CPSF1: variants seen among roughly 807,000 people sequenced by gnomAD.
The protein encoded by CPSF1 is cleavage and polyadenylation specific factor 1, also known as cleavage and polyadenylation specificity factor subunit 1.
A neutral mutation model predicts 175.8 loss-of-function variants in CPSF1; 106 were observed. That is an observed-to-expected ratio of 0.60 (90% CI 0.52 to 0.71). The LOEUF is 0.71. Among genes scored for constraint, CPSF1 ranks in the 30% least tolerant of loss-of-function variants. CPSF1 has a pLI of 0.00. For synonymous variants in CPSF1, 1,024 were observed against 858.3 expected, an observed-to-expected ratio of 1.19 and a Z score of -3.37; for missense variants, 1,734 against 2,022.9, an observed-to-expected ratio of 0.86 and a Z score of 2.74.
At position 144,394,651 on chromosome 8, in the gene CPSF1, C is replaced by T; in HGVS notation, c.3560G>A (p.Gly1187Asp). 1 of 1,606,556 alleles carries T rather than the reference C, an allele frequency of 6.2e-7. No homozygotes were observed. ...CGGGTGGGACTGGCACACCTTCTGG[C>T]CGATGGCCGACACCAGGTGGCCATT... ...HCNGHLVSAI[G>D]QKIFLWSLRA... Residue 1187 changes from glycine to aspartate, a missense_variant, in exon 31 of 38, where the codon GGC (glycine) becomes GAC (aspartate). Physicochemically the swap from Gly to Asp is moderately conservative, Grantham distance 94 (BLOSUM62 -1). This residue lies in a region of CPSF1 where 62 missense variants were observed against 124.5 expected (regional missense o/e 0.50). Transcript: ENST00000616140.
chr8:144,393,412 C>CGGAGGGGCG (rs1564681256), intron 37 of CPSF1, 40 bp downstream of exon 37: 3 of 681,198 alleles, frequency 4.4e-6, no homozygotes, highest in Admixed American at 3.5e-5. Flanking sequence ...GGGATGCACA[C>CGGAGGGGCG]GGAGGGGCGG....
In CPSF1 at chr8:144,400,286, G is replaced by C. The variant is rs1821114189; in HGVS notation, c.827-10C>G. The C allele has an allele frequency of 1.2e-6, 2 of 1,607,728 alleles. No homozygotes were observed. The highest frequency in any genetic ancestry group is 4.5e-5 in the East Asian group (2 of 44,724). On this transcript the variant is annotated splice_polypyrimidine_tract_variant and intron_variant, in intron 8 of 37. Coordinates refer to ENST00000616140, the MANE Select transcript of CPSF1 (RefSeq NM_013291.3). ...AACACCACCACCCCACCTGGAGGTG[G>C]ACACAGGCTGGTGGGCAGGCTCAGT...
rs2116857663 is a variant in CPSF1 at position 144,399,056 on chromosome 8, G to A, written c.1468-18C>T. 1.3e-6 allele frequency: 2 copies of A among 1,566,814 alleles called. No individual in the cohort carries two copies. The highest frequency in any genetic ancestry group is 1.7e-6 in the Non-Finnish European group (2 of 1,156,252). On this transcript the variant is annotated intron_variant, in intron 15 of 37. Transcript: ENST00000616140. The surrounding 1 kb of genome is among the most constrained non-coding windows in gnomAD (Gnocchi z 6.4). ...TTCTGAAACTGCACAGGACTCGGGG[G>A]TGAGGACTATGCCCCCCACCCCCCC... is the stretch of plus-strand genomic sequence containing the variant.
Position 144,399,401 on chromosome 8 carries a change from A to C in CPSF1, c.1295-28T>G, listed in dbSNP as rs1391410131. 6.2e-7 allele frequency: 1 copy of C among 1,612,710 alleles called. No homozygotes were observed. Among genetic ancestry groups the C allele is most frequent in the East Asian group, 2.2e-5 (1 of 44,894 alleles). Reference sequence around the variant, plus strand: ...GCACACAGAGAGCCCACTTGAGCGCAGCCCTGGGTCACCTGGCCCCGCTCC... The same window carrying C: ...GCACACAGAGAGCCCACTTGAGCGCCGCCCTGGGTCACCTGGCCCCGCTCC... On this transcript the variant is annotated intron_variant, in intron 13 of 37. Coordinates refer to ENST00000616140, the MANE Select transcript of CPSF1 (RefSeq NM_013291.3). This position sits in a 1 kb window ranked among gnomAD's most constrained non-coding sequence, Gnocchi z 6.4.
In CPSF1 at chr8:144,394,364, C is replaced by A; in HGVS notation, c.3744+15G>T. 1 of 1,594,542 alleles carries A rather than the reference C, an allele frequency of 6.3e-7. No homozygotes were observed. The highest frequency in any genetic ancestry group is 8.6e-7 in the Non-Finnish European group (1 of 1,168,616). On this transcript the variant is annotated intron_variant, in intron 32 of 37. Coordinates refer to ENST00000616140, the MANE Select transcript of CPSF1 (RefSeq NM_013291.3). ...GGTACCCACCCAGACACGAGCACCG[C>A]CGCCACAGGTGTACCCGCGACACCA...
chr8:144,401,808 A>T (rs1053144833), intron 2 of CPSF1, 135 bp from the exon 3 acceptor site: 23 of 943,614 alleles, frequency 2.4e-5, no homozygotes, highest in Admixed American at 5.6e-5. Context: ...CAGCAGGGAG[A>T]AGGGCTTCTG....
At chr8:144,400,312 G>A (rs2116874422) in intron 8 of CPSF1, 36 bp from the exon 9 acceptor site, 5 of 1,611,976 alleles carry the variant, frequency 3.1e-6, no homozygotes, top group Non-Finnish European at 1.7e-6. Context: ...CAGGCTCAGT[G>A]CTCTCTCCAC....
chr8:144,399,365 T>C lies in CPSF1; in HGVS notation c.1303A>G (p.Lys435Glu). ...DATAGWSAAG[K>E]SVPQDEVDEI... ...TCCACCTCATCCTGCGGCACCGACTTACCCGCAGCTGCACACAGAGAGCCC... is the reference window on the plus strand; with the variant it reads ...TCCACCTCATCCTGCGGCACCGACTCACCCGCAGCTGCACACAGAGAGCCC... Residue 435 changes from lysine to glutamate, a missense_variant, in exon 14 of 38, where the codon AAG (lysine) becomes GAG (glutamate). Around this residue, in one of 10 missense-constraint regions of CPSF1, gnomAD observed 162 missense variants for 169.5 expected, o/e 0.96. Transcript: ENST00000616140. The surrounding 1 kb of genome is among the most constrained non-coding windows in gnomAD (Gnocchi z 6.4). 1 of 1,612,774 alleles carries C rather than the reference T, an allele frequency of 6.2e-7. No individual in the cohort carries two copies. Among genetic ancestry groups the C allele is most frequent in the Non-Finnish European group, 8.5e-7 (1 of 1,179,962 alleles).
Position 144,401,825 on chromosome 8 carries a change from G to A in CPSF1, c.145-152C>T, listed in dbSNP as rs1554867363. On this transcript the variant is annotated intron_variant, in intron 2 of 37. Transcript: ENST00000616140. ...GCAGGGAGAAGGGCTTCTGGAGACA[G>A]CTGTGCACAGCCCCCCACAGCGACC... 7 of 801,612 alleles carry A rather than the reference G, an allele frequency of 8.7e-6. 1 individual carries two copies. The African/African-American group carries it at 8.7e-5, about 10-fold the overall frequency. The allele number at this position is 801,612 out of a possible 1,614,324, so 49.7% of individuals were successfully genotyped here.
At chr8:144,400,139 C>CCCG (rs1451881249) in intron 9 of CPSF1, 27 bp downstream of exon 9, 1 of 1,221,760 alleles carries the variant, frequency 8.2e-7, no homozygotes, top group Non-Finnish European at 1.1e-6. Flanking sequence ...CCCCGGGCCC[C>CCCG]CCCCGCCCCA....
intron 5 of CPSF1, 34 bp downstream of exon 5, chr8:144,401,177 C>T (rs1240128190): frequency 1.1e-4 from 55 of 516,106 alleles, no homozygotes; most frequent in Admixed American, 5.1e-4. Context: ...GGTGGCTGGG[C>T]GGGGCCTGGG....
At chr8:144,404,339 A>T (rs1168995561) in intron 2 of CPSF1, among the ~76,000 whole-genome samples, 1 of 152,102 alleles carries the variant, frequency 6.6e-6, no homozygotes, top group Non-Finnish European at 1.5e-5. Flanking sequence ...TTCTGTGTAC[A>T]TGCAAGAAAC....
At chr8:144,402,466 G>A (rs2116891675) in intron 2 of CPSF1, among the ~76,000 whole-genome samples, 4 of 152,010 alleles carry the variant, frequency 2.6e-5, no homozygotes, top group South Asian at 2.1e-4. Context: ...CACCATGTCC[G>A]GCTAATTTTT....
chr8:144,400,132 C>CGGGGGGGGGGG, intron 9 of CPSF1, 34 bp downstream of exon 9: 1 of 1,067,944 alleles, frequency 9.4e-7, no homozygotes, highest in Non-Finnish European at 1.3e-6. Flanking sequence ...AAGCCGTCCC[C>CGGGGGGGGGGG]GGGCCCCCCC....
In CPSF1 at chr8:144,396,720, G is replaced by A. The variant is rs782629802; in HGVS notation, c.2704C>T (p.Arg902Cys). 7 of 1,613,818 alleles carry A rather than the reference G, an allele frequency of 4.3e-6. No homozygotes were observed. The highest frequency in any genetic ancestry group is 5.9e-6 in the Non-Finnish European group (7 of 1,180,020). Residue 902 changes from arginine (R) to cysteine (C), a missense_variant, in exon 25 of 38, where the codon CGT becomes TGT. Physicochemically the swap from Arg to Cys is radical, Grantham distance 180. Coordinates refer to ENST00000616140, the MANE Select transcript of CPSF1 (RefSeq NM_013291.3). ...FKKVPHNINF[R>C]EKKPKPSKKK... ...TTGGATGGCTTTGGCTTCTTCTCAC[G>A]GAAGTTGATGTTGTGAGGGACCTGG...
At chr8:144,396,249 C>T (rs1554863635) in intron 26 of CPSF1, 99 bp downstream of exon 26, 21 of 1,270,392 alleles carry the variant, frequency 1.7e-5, no homozygotes, top group Non-Finnish European at 2.0e-5. Context: ...CTTCCTGGTC[C>T]TCAGGGTGGA....
chr8:144,400,135 G>GGGCGCCC, intron 9 of CPSF1, 31 bp downstream of exon 9: 2 of 896,006 alleles, frequency 2.2e-6, no homozygotes, highest in Non-Finnish European at 3.2e-6. Flanking sequence ...CCGTCCCCGG[G>GGGCGCCC]CCCCCCCCGC....
Position 144,398,857 on chromosome 8 carries a change from C to A in CPSF1, c.1560G>T (p.Arg520=). The change falls in exon 17 of 38, where the codon CGG becomes CGT. Residue 520 remains arginine, a synonymous_variant. Coordinates refer to ENST00000616140, the MANE Select transcript of CPSF1 (RefSeq NM_013291.3). The part of the protein sequence containing the change: ...GALSVLQKSI[R]PQVVTTFELP... ...GCTCAAAGGTTGTCACCACCTGGGG[C>A]CGGATGCTCTTCTAGAATGATGATG... The A allele has an allele frequency of 6.2e-7, 1 of 1,610,056 alleles. No homozygotes were observed. The highest frequency in any genetic ancestry group is 8.5e-7 in the Non-Finnish European group (1 of 1,177,240).
In CPSF1 at chr8:144,397,586, G is replaced by A; in HGVS notation, c.2286C>T (p.Ala762=). Residue 762 remains alanine, a synonymous_variant, in exon 22 of 38, where the codon GCC becomes GCT. Coordinates refer to ENST00000616140, the MANE Select transcript of CPSF1 (RefSeq NM_013291.3). ...CAGCAGGGGGCTGGCTGCTTCTTCGGGCCTCCTCCTTGCTGGGGCTGAAGA... is the reference window on the plus strand; with the variant it reads ...CAGCAGGGGGCTGGCTGCTTCTTCGAGCCTCCTCCTTGCTGGGGCTGAAGA... The part of the protein sequence containing the change: ...GSLFSPSKEE[A]RRSSQPPADR... The A allele has an allele frequency of 6.5e-7, 1 of 1,540,438 alleles. No homozygotes were observed. The highest frequency in any genetic ancestry group is 2.3e-5 in the East Asian group (1 of 44,006).
Sources: allele counts gnomAD v4.1 joint callset (sites outside exome capture counted in the v4.1 genomes callset), GRCh38; gene constraint gnomAD v4.1.1; regional missense constraint gnomAD v4.1.1; non-coding constraint Gnocchi (gnomAD v3.1); transcripts MANE v1.5; gene names NCBI Gene and HGNC (gene_info 2026-07-23, HGNC 2026-07-21).